Variants in CACNB2 observed in about 807,000 individuals in gnomAD.
The protein encoded by CACNB2 is voltage-dependent L-type calcium channel subunit beta-2.
A neutral mutation model predicts 73.3 loss-of-function variants in CACNB2; 42 were observed. The ratio of observed to expected loss-of-function variants is 0.57; its 90% CI spans 0.45 to 0.74. The LOEUF (loss-of-function observed/expected upper bound fraction) is 0.74, where lower values mean the gene tolerates loss of function less well. CACNB2 is among the 30% of genes least tolerant of loss of function. The pLI, the probability that CACNB2 is intolerant of heterozygous loss-of-function variation, is 0.00. For synonymous variants in CACNB2, 348 were observed against 310.3 expected (o/e 1.12, Z -1.28); for missense variants, 940 against 853.0 (o/e 1.10, Z -1.27).
chr10:18,178,267 T>C (rs1208123502), intron 2 of CACNB2, among the ~76,000 whole-genome samples: 1 of 152,198 alleles, frequency 6.6e-6, no homozygotes, highest in Non-Finnish European at 1.5e-5. Context: ...GTTTTAGTGA[T>C]GTTTGCTGCC....
In CACNB2 at chr10:18,307,983, C is replaced by CTTTTTTTTTTTTTTTTT. The variant is rs869311555; in HGVS notation, c.214-93930_214-93914dup. On this transcript the variant is annotated intron_variant, in intron 2 of 13. Coordinates refer to ENST00000324631, the MANE Select transcript of CACNB2 (RefSeq NM_201596.3). The stretch of plus-strand genomic sequence containing the variant: ...TTAAGTCTAAAATAATATATGCCAA[C>CTTTTTTTTTTTTTTTTT]TTTTTTTTTTTTTTTTTTTTTTTTT... 9.2e-3 allele frequency among the ~76,000 whole-genome samples: 647 copies of CTTTTTTTTTTTTTTTTT among 70,214 alleles called. 142 individuals are homozygous for CTTTTTTTTTTTTTTTTT. The highest frequency in any genetic ancestry group is 0.013 in the Non-Finnish European group (467 of 36,682). The allele number at this position is 70,214 out of a possible 152,430, so 46.1% of individuals were successfully genotyped here.
Position 18,375,107 on chromosome 10 carries a change from A to G in CACNB2, c.214-26817A>G, listed in dbSNP as rs116873136. Among the ~76,000 whole-genome samples, 343 of 152,190 alleles carry G rather than the reference A, an allele frequency of 2.3e-3. 6 individuals carry two copies. In the East Asian group the frequency reaches 0.054, roughly 24 times the overall value. On this transcript the variant is annotated intron_variant, in intron 2 of 13. Coordinates refer to ENST00000324631, the MANE Select transcript of CACNB2 (RefSeq NM_201596.3). ...GTGGCACACACCTGTGGTCCCAGCTACTCGGGAGGCAGGAAGATTGCTTGA... is the reference window on the plus strand; with the variant it reads ...GTGGCACACACCTGTGGTCCCAGCTGCTCGGGAGGCAGGAAGATTGCTTGA...
At chr10:18,329,772 CA>C (rs1484467105) in intron 2 of CACNB2, among the ~76,000 whole-genome samples, 2 of 151,962 alleles carry the variant, frequency 1.3e-5, no homozygotes. Context: ...TCATTGTTTC[CA>C]ATAAAATATT....
intron 3 of CACNB2, among the ~76,000 whole-genome samples, chr10:18,492,629 AAAAAAAAAAG>A (rs1361536075): frequency 1.2e-4 from 18 of 147,018 alleles, no homozygotes; most frequent in African/African-American, 4.8e-4. Context: ...TCAAAAAAAA[AAAAAAAAAAG>A]AAAAAAAGAA....
chr10:18,344,733 G>A (rs2041376163), intron 2 of CACNB2, among the ~76,000 whole-genome samples: 2 of 152,234 alleles, frequency 1.3e-5, no homozygotes, highest in South Asian at 4.2e-4. Flanking sequence ...AGTGGCTCAT[G>A]CCTGAACGAC....
Position 18,542,349 on chromosome 10 carries a change from G to C in CACNB2, c.*2625G>C, listed in dbSNP as rs1429587907. The C allele has an allele frequency of 1.3e-5, 2 of 152,096 alleles. No individual in the cohort carries two copies. The highest frequency in any genetic ancestry group is 4.8e-5 in the African/African-American group (2 of 41,414). The allele number at this position is 152,096 out of a possible 1,614,324, so 9.4% of individuals were successfully genotyped here. ...AAACTTGACAATTCTTACATTGGTA[G>C]GAAACCATATTCTAATTAAAATTGA... On this transcript the variant is annotated 3_prime_UTR_variant, in exon 14 of 14. Coordinates refer to ENST00000324631, the MANE Select transcript of CACNB2 (RefSeq NM_201596.3).
At chr10:18,501,013 C>A in intron 5 of CACNB2, 65 bp downstream of exon 5, 1 of 1,410,000 alleles carries the variant, frequency 7.1e-7, no homozygotes, top group Non-Finnish European at 1.0e-6. Context: ...GTACTGTTGT[C>A]TGCTGTATTC....
Position 18,499,066 on chromosome 10 carries a change from T to G in CACNB2, c.456+589T>G, listed in dbSNP as rs148766680. On this transcript the variant is annotated intron_variant, in intron 4 of 13. Transcript: ENST00000324631. ...ATGACACAACCTGCAAATTGGAAACTTTCATCCTTAATTAAGGTTTGTTTG... is the reference window on the plus strand; with the variant it reads ...ATGACACAACCTGCAAATTGGAAACGTTCATCCTTAATTAAGGTTTGTTTG... Among the ~76,000 whole-genome samples the G allele has an allele frequency of 1.1e-4, 16 of 152,304 alleles. No homozygotes were observed. In the East Asian group the frequency reaches 3.1e-3, roughly 29 times the overall value.
chr10:18,388,704 G>A (rs960272244), intron 2 of CACNB2, among the ~76,000 whole-genome samples: 13 of 152,058 alleles, frequency 8.5e-5, no homozygotes, highest in African/African-American at 3.1e-4. Flanking sequence ...AGCAATCATA[G>A]GAGAAAAATC....
chr10:18,528,534 C>G (rs2052698145), intron 10 of CACNB2, among the ~76,000 whole-genome samples: 1 of 152,112 alleles, frequency 6.6e-6, no homozygotes, highest in Admixed American at 6.5e-5. Flanking sequence ...TACAAATCCT[C>G]TGAGAGGCTG....
chr10:18,316,067 C>T (rs1405200087), intron 2 of CACNB2, among the ~76,000 whole-genome samples: 2 of 152,098 alleles, frequency 1.3e-5, no homozygotes, highest in Non-Finnish European at 2.9e-5. Flanking sequence ...TCTCCAAATT[C>T]CCAAAATTTT....
chr10:18,327,583 C>T (rs2040634974), intron 2 of CACNB2, among the ~76,000 whole-genome samples: 1 of 152,070 alleles, frequency 6.6e-6, no homozygotes, highest in South Asian at 2.1e-4. Flanking sequence ...TGCTACCGTG[C>T]CCAGCTAATT....
chr10:18,503,163 T>C (rs1249455332), intron 5 of CACNB2, among the ~76,000 whole-genome samples: 1 of 152,220 alleles, frequency 6.6e-6, no homozygotes, highest in Non-Finnish European at 1.5e-5. Flanking sequence ...AGTAAAGACA[T>C]GCAGATGAAC....
At position 18,510,560 on chromosome 10, in the gene CACNB2, C is replaced by T. The variant is rs189263926; in HGVS notation, c.671-3676C>T. 4.1e-3 allele frequency among the ~76,000 whole-genome samples: 625 copies of T among 152,312 alleles called. 10 individuals carry two copies. Among genetic ancestry groups the T allele is most frequent in the African/African-American group, 0.014 (588 of 41,576 alleles). ...TCAAGTGATCCACCCACCATGGCTT[C>T]CCAAACTGCTGGGATTACAGGCATG... On this transcript the variant is annotated intron_variant, in intron 6 of 13. Coordinates refer to ENST00000324631, the MANE Select transcript of CACNB2 (RefSeq NM_201596.3).
intron 2 of CACNB2, among the ~76,000 whole-genome samples, chr10:18,300,943 A>G (rs970593047): frequency 6.6e-6 from 1 of 152,230 alleles, no homozygotes; most frequent in Admixed American, 6.5e-5. Context: ...CTCTGGGGAA[A>G]AAAGAAAGAT....
chr10:18,321,439 A>G (rs1398974701), intron 2 of CACNB2, among the ~76,000 whole-genome samples: 5 of 151,622 alleles, frequency 3.3e-5, no homozygotes, highest in South Asian at 2.1e-4. Flanking sequence ...TGCTAGTGGG[A>G]AAAAAAAATG....
intron 1 of CACNB2, among the ~76,000 whole-genome samples, chr10:18,145,982 C>T (rs1168024358): frequency 1.3e-5 from 2 of 152,114 alleles, no homozygotes; most frequent in Admixed American, 6.6e-5. Flanking sequence ...CCCTCCTGTA[C>T]CTGCTAGACA....
At chr10:18,385,313 T>C (rs2043179489) in intron 2 of CACNB2, among the ~76,000 whole-genome samples, 1 of 149,206 alleles carries the variant, frequency 6.7e-6, no homozygotes, top group African/African-American at 2.5e-5. Context: ...TTATCCCACC[T>C]CCAGAGGCTC....
chr10:18,346,030 GCTGGCAGGGC>G (rs964968908), intron 2 of CACNB2, among the ~76,000 whole-genome samples: 1 of 152,160 alleles, frequency 6.6e-6, no homozygotes, highest in African/African-American at 2.4e-5. Flanking sequence ...TTGTTTCAGG[GCTGGCAGGGC>G]CTGGCAGAGA....
Sources: gnomAD v4.1 joint callset for allele counts (sites outside exome capture counted in the v4.1 genomes callset) on GRCh38, gnomAD v4.1.1 for gene constraint, MANE v1.5 for transcripts, NCBI Gene and HGNC (gene_info 2026-07-23, HGNC 2026-07-21) for gene names.